OCA2: variants seen among roughly 807,000 people sequenced by gnomAD.
OCA2 encodes the protein OCA2 melanosomal transmembrane protein, also known as P protein.
In OCA2, 77 loss-of-function variants were observed where a neutral mutation model predicts 100.2. The observed-to-expected ratio is 0.77, with a 90% CI of 0.64 to 0.93. The LOEUF (loss-of-function observed/expected upper bound fraction) is 0.93. Ranked by LOEUF, OCA2 falls within the 40% of genes least tolerant of loss-of-function variation. The pLI, the probability that OCA2 is intolerant of heterozygous loss-of-function variation, is 0.00. For missense variants in OCA2, 1,062 were observed against 1,089.1 expected (o/e 0.98, Z 0.35); for synonymous variants, 432 against 439.2 (o/e 0.98, Z 0.21).
intron 19 of OCA2, among the ~76,000 whole-genome samples, chr15:27,885,802 G>T (rs78857631): frequency 0.016 from 2,370 of 152,284 alleles, 56 homozygotes; most frequent in African/African-American, 0.05. Context: ...CACCCAGGAT[G>T]CCACAGTGAC....
rs79699714 is a variant in OCA2 at position 27,783,402 on chromosome 15, C to T, written c.2433-27930G>A. On this transcript the variant is annotated intron_variant, in intron 23 of 23. Transcript: ENST00000354638. Reference sequence around the variant, plus strand: ...CAGGGCTTCCAACCAGAAGGAAGCTCGCAAGAGTATCACTACCAATTTTGT... The same window carrying T: ...CAGGGCTTCCAACCAGAAGGAAGCTTGCAAGAGTATCACTACCAATTTTGT... 2.8e-3 allele frequency among the ~76,000 whole-genome samples: 427 copies of T among 152,238 alleles called. 6 individuals are homozygous for T. Among genetic ancestry groups the T allele is most frequent in the African/African-American group, 9.8e-3 (405 of 41,538 alleles).
rs925564947 is a variant in OCA2, at chr15:27,966,750, G to A, written c.1576C>T (p.Leu526Phe). 3 of 1,613,852 alleles carry A rather than the reference G, an allele frequency of 1.9e-6. No homozygotes were observed. The highest frequency in any genetic ancestry group is 1.1e-5 in the South Asian group (1 of 91,066). The change falls in exon 15 of 24, where the codon CTC becomes TTC. Residue 526 changes from leucine to phenylalanine, a missense_variant. Leu to Phe is a conservative substitution (Grantham distance 22). Transcript: ENST00000354638. ...CTGTTCCAGTAAAGGAGTCTGAGGA[G>A]CGGAAAGCAGACCAGGAGAACAAGG... ...ICLVLLVCFP[L>F]LRLLYWNRKL...
intron 18 of OCA2, among the ~76,000 whole-genome samples, chr15:27,942,797 T>G (rs1311551201): frequency 6.6e-6 from 1 of 152,310 alleles, no homozygotes; most frequent in African/African-American, 2.4e-5. Flanking sequence ...CTAATTATTC[T>G]AATTGACTTA....
intron 18 of OCA2, among the ~76,000 whole-genome samples, chr15:27,938,336 C>T (rs1473708341): frequency 6.6e-6 from 1 of 152,196 alleles, no homozygotes; most frequent in Non-Finnish European, 1.5e-5. Flanking sequence ...AGCTAAGCAT[C>T]CACCCTGTCT....
intron 18 of OCA2, among the ~76,000 whole-genome samples, chr15:27,943,849 C>T (rs1325970439): frequency 6.6e-6 from 1 of 152,078 alleles, no homozygotes; most frequent in African/African-American, 2.4e-5. Flanking sequence ...CGAGTTGTCG[C>T]ACCTTGCCGG....
At chr15:28,028,102 A>G in intron 3 of OCA2, 43 bp from the exon 4 acceptor site, 1 of 1,606,420 alleles carries the variant, frequency 6.2e-7, no homozygotes, top group Non-Finnish European at 8.5e-7. Flanking sequence ...TGAAATAGTA[A>G]TGGCTACAAA....
At chr15:27,948,584 G>T (rs2039922580) in intron 18 of OCA2, among the ~76,000 whole-genome samples, 1 of 152,074 alleles carries the variant, frequency 6.6e-6, no homozygotes, top group Non-Finnish European at 1.5e-5. Flanking sequence ...TCCTGCCTCA[G>T]CCTCCCAAGT....
Position 28,012,243 on chromosome 15 carries a change from T to C in OCA2, c.1044+2533A>G, listed in dbSNP as rs74533531. On this transcript the variant is annotated intron_variant, in intron 9 of 23. Transcript: ENST00000354638. ...AGTTGAAAGCACAGTAAGATATCAC[T>C]ACACACCAATAGAAAGACCACACCC... 5.2e-3 allele frequency among the ~76,000 whole-genome samples: 785 copies of C among 152,314 alleles called. 10 individuals are homozygous for C. Among genetic ancestry groups the C allele is most frequent in the African/African-American group, 0.018 (755 of 41,550 alleles).
chr15:27,794,338 C>T (rs988259028), intron 23 of OCA2, among the ~76,000 whole-genome samples: 1 of 152,106 alleles, frequency 6.6e-6, no homozygotes, highest in Non-Finnish European at 1.5e-5. Flanking sequence ...TGGAAGAGTG[C>T]GCTCAGGAGG....
Position 28,081,724 on chromosome 15 carries a change from A to AGG in OCA2, c.149_150dup (p.Cys51ProfsTer52). ...CTCTGCCCGGCAGCCCCCCTGGGGC[A>AGG]GGAGTGCGAGGGGTCAGCTCCACCG... On this transcript the variant is annotated frameshift_variant, in exon 2 of 24. Coordinates refer to ENST00000354638, the MANE Select transcript of OCA2 (RefSeq NM_000275.3). LOFTEE classifies it high-confidence loss of function. The AGG allele has an allele frequency of 6.2e-7, 1 of 1,613,694 alleles. No individual in the cohort carries two copies. Among genetic ancestry groups the AGG allele is most frequent in the Non-Finnish European group, 8.5e-7 (1 of 1,179,914 alleles).
chr15:28,044,257 T>C (rs1365186125), intron 2 of OCA2, among the ~76,000 whole-genome samples: 1 of 152,234 alleles, frequency 6.6e-6, no homozygotes, highest in Admixed American at 6.5e-5. Context: ...GGGCATTCTC[T>C]GAAATGATAG....
intron 2 of OCA2, among the ~76,000 whole-genome samples, chr15:28,042,616 G>T (rs928202315): frequency 1.3e-5 from 2 of 151,838 alleles, no homozygotes; most frequent in African/African-American, 4.8e-5. Context: ...CTCCAGCCTA[G>T]GTGGCATAGT....
At chr15:27,742,440 T>C in the OCA2 span, among the ~76,000 whole-genome samples, 1 of 152,084 alleles carries the variant, frequency 6.6e-6, no homozygotes, top group African/African-American at 2.4e-5. Flanking sequence ...GGAAGGGCCA[T>C]GTGGGAGGGG....
the OCA2 span, among the ~76,000 whole-genome samples, chr15:27,726,610 G>A: frequency 6.6e-6 from 1 of 152,172 alleles, no homozygotes. Context: ...CAGCGGAGTG[G>A]AAGGGAAGTG....
chr15:27,835,573 T>C (rs1455402369), intron 23 of OCA2, among the ~76,000 whole-genome samples: 2 of 152,242 alleles, frequency 1.3e-5, no homozygotes, highest in Non-Finnish European at 2.9e-5. Context: ...AAATCGTCAC[T>C]GTTGCTTTAA....
chr15:27,963,511 T>G (rs927668147), intron 15 of OCA2, among the ~76,000 whole-genome samples: 5 of 152,096 alleles, frequency 3.3e-5, no homozygotes, highest in Admixed American at 1.3e-4. Flanking sequence ...ATAAACCATC[T>G]AAATTATCCA....
chr15:27,985,060 G>A lies in OCA2; in HGVS notation c.1364+4C>T, dbSNP rs1800409. On this transcript the variant is annotated splice_donor_region_variant and intron_variant, in intron 13 of 23. Transcript: ENST00000354638. Reference sequence around the variant, plus strand: ...AACTCCCACGGCAGAGGTGCTTTGCGTACCTTATGGTCACAGGCGTGAAGA... The same window carrying A: ...AACTCCCACGGCAGAGGTGCTTTGCATACCTTATGGTCACAGGCGTGAAGA... 1.8e-4 allele frequency: 284 copies of A among 1,613,678 alleles called. 1 individual carries two copies. The highest frequency in any genetic ancestry group is 1.6e-4 in the Middle Eastern group (1 of 6,078).
At chr15:27,786,847 A>T (rs1050002977) in intron 23 of OCA2, among the ~76,000 whole-genome samples, 1 of 152,174 alleles carries the variant, frequency 6.6e-6, no homozygotes. Flanking sequence ...ATCTTGAATC[A>T]AAGTGGCAAG....
chr15:27,942,568 G>A (rs1033272334), intron 18 of OCA2, among the ~76,000 whole-genome samples: 1 of 152,128 alleles, frequency 6.6e-6, no homozygotes, highest in Non-Finnish European at 1.5e-5. Context: ...AATGAGGAAA[G>A]TGTTCTGGAA....
Sources: gnomAD v4.1 joint callset for allele counts (sites outside exome capture counted in the v4.1 genomes callset) on GRCh38, gnomAD v4.1.1 for gene constraint, MANE v1.5 for transcripts, NCBI Gene and HGNC (gene_info 2026-07-23, HGNC 2026-07-21) for gene names.